WASHC2C: variants seen among roughly 807,000 people sequenced by gnomAD.
WASHC2C encodes WASH complex subunit 2C.
In WASHC2C, 73 loss-of-function variants were observed where a neutral mutation model predicts 142.2. The observed-to-expected ratio is 0.51, with a 90% CI of 0.43 to 0.62. WASHC2C has a LOEUF of 0.62. WASHC2C is among the 20% of genes least tolerant of loss of function. WASHC2C has a pLI of 0.00. For missense variants in WASHC2C, 969 were observed against 1,531.7 expected (o/e 0.63, Z 6.13); for synonymous variants, 337 against 565.5 (o/e 0.60, Z 5.73).
chr10:45,785,225 G>A (rs1554889553), intron 25 of WASHC2C, among the ~76,000 whole-genome samples: 11 of 152,170 alleles, frequency 7.2e-5, no homozygotes. Flanking sequence ...TGCCTTTCAG[G>A]TGCAAAGCTT....
At chr10:45,753,815 A>C (rs868988563) in intron 13 of WASHC2C, among the ~76,000 whole-genome samples, 1 of 150,676 alleles carries the variant, frequency 6.6e-6, no homozygotes, top group South Asian at 2.1e-4. Flanking sequence ...AAAAACACAA[A>C]TATAAATATG....
intron 3 of WASHC2C, among the ~76,000 whole-genome samples, chr10:45,729,584 G>A (rs1373165257): frequency 2.0e-5 from 3 of 151,920 alleles, no homozygotes; most frequent in Middle Eastern, 6.8e-3. Context: ...GAATACATAG[G>A]TAAATTAGAT....
intron 3 of WASHC2C, among the ~76,000 whole-genome samples, chr10:45,731,149 A>G (rs1331942164): frequency 7.0e-6 from 1 of 142,252 alleles, no homozygotes; most frequent in Non-Finnish European, 1.5e-5. Context: ...TGTTTTGGTA[A>G]TTGTTCTTTA....
At position 45,777,510 on chromosome 10, in the gene WASHC2C, A is replaced by G. The variant is rs1353390477; in HGVS notation, c.2295+85A>G. 4 of 1,606,322 alleles carry G rather than the reference A, an allele frequency of 2.5e-6. No homozygotes were observed. In the African/African-American group the frequency reaches 4.1e-5, roughly 16 times the overall value. On this transcript the variant is annotated intron_variant, in intron 22 of 30. Transcript: ENST00000623400. ...ACCCAACCCCTTAAGTTTTTTGACC[A>G]CAGAAAATAAATGGCCCATTTGTAG...
intron 7 of WASHC2C, among the ~76,000 whole-genome samples, chr10:45,745,981 T>C (rs1215954775): frequency 2.6e-5 from 3 of 117,608 alleles, no homozygotes; most frequent in African/African-American, 9.9e-5. Context: ...CCATGTGATC[T>C]CATTGTTCAA....
rs148181084 is a variant in WASHC2C at position 45,785,756 on chromosome 10, A to C, written c.2811+125A>C. 4,847 of 1,574,538 alleles carry C rather than the reference A, an allele frequency of 3.1e-3. 103 individuals are homozygous for C. In the East Asian group the frequency reaches 0.042, roughly 14 times the overall value. On this transcript the variant is annotated intron_variant, in intron 26 of 30. Coordinates refer to ENST00000623400, the MANE Select transcript of WASHC2C (RefSeq NM_001330074.2). The stretch of plus-strand genomic sequence containing the variant: ...AGGAGGAAACAGCAACCAGGGCTAC[A>C]GCTTTGTCTTCACTGCACTTCCCCC...
rs535791373 is a variant in WASHC2C at position 45,786,577 on chromosome 10, C to G, written c.2812-35C>G. 6 of 1,610,580 alleles carry G rather than the reference C, an allele frequency of 3.7e-6. No homozygotes were observed. In the African/African-American group the frequency reaches 8.0e-5, roughly 22 times the overall value. On this transcript the variant is annotated intron_variant, in intron 26 of 30. Coordinates refer to ENST00000623400, the MANE Select transcript of WASHC2C (RefSeq NM_001330074.2). ...AAGAAACACTTGTCTTTCTGTTTCC[C>G]AAATGGATTTTTAACTGGATGTAAT... is the stretch of plus-strand genomic sequence containing the variant.
chr10:45,735,282 T>A (rs1172529684), intron 3 of WASHC2C, among the ~76,000 whole-genome samples: 1 of 150,954 alleles, frequency 6.6e-6, no homozygotes, highest in Non-Finnish European at 1.5e-5. Flanking sequence ...CAGACTGGAG[T>A]GCAATTGTGC....
intron 2 of WASHC2C, among the ~76,000 whole-genome samples, chr10:45,728,210 G>A (rs2050122744): frequency 6.6e-6 from 1 of 152,082 alleles, no homozygotes. Context: ...TTTAATTTTA[G>A]TAGAGATGGG....
chr10:45,771,329 C>T (rs571739570), intron 20 of WASHC2C, among the ~76,000 whole-genome samples: 24 of 144,092 alleles, frequency 1.7e-4, no homozygotes, highest in African/African-American at 5.2e-4. Flanking sequence ...CTCACCACTG[C>T]ACTCCAGCCT....
At chr10:45,783,255 A>G (rs2057660953) in intron 23 of WASHC2C, among the ~76,000 whole-genome samples, 1 of 151,830 alleles carries the variant, frequency 6.6e-6, no homozygotes, top group Non-Finnish European at 1.5e-5. Context: ...TATAAATGAG[A>G]GCTGCACACA....
intron 4 of WASHC2C, among the ~76,000 whole-genome samples, chr10:45,739,238 A>C (rs1381227943): frequency 1.3e-5 from 2 of 151,580 alleles, no homozygotes; most frequent in African/African-American, 4.9e-5. Flanking sequence ...AAAAAAGTTC[A>C]GTTAGAAAGA....
rs540653573 is a variant in WASHC2C, at chr10:45,749,888, A to T, written c.733-208A>T. Among the ~76,000 whole-genome samples, 43 of 140,016 alleles carry T rather than the reference A, an allele frequency of 3.1e-4. 1 individual carries two copies. Among genetic ancestry groups the T allele is most frequent in the Admixed American group, 7.9e-4 (11 of 13,860 alleles). The allele number at this position is 140,016 out of a possible 152,430, so 91.9% of individuals were successfully genotyped here. On this transcript the variant is annotated intron_variant, in intron 8 of 30. Coordinates refer to ENST00000623400, the MANE Select transcript of WASHC2C (RefSeq NM_001330074.2). ...ATATATATATTTATATTTTATATAT[A>T]TTTTTATATATTTTTTTTCTTAGAT...
intron 11 of WASHC2C, 80 bp downstream of exon 11, chr10:45,751,633 CT>C: frequency 1.4e-6 from 1 of 710,222 alleles, no homozygotes. Context: ...TGAAGTACTG[CT>C]TTACATGCTG....
chr10:45,763,903 T>C (rs1330067422), intron 18 of WASHC2C, among the ~76,000 whole-genome samples: 1 of 152,164 alleles, frequency 6.6e-6, no homozygotes, highest in Non-Finnish European at 1.5e-5. Flanking sequence ...GGTTTCACCA[T>C]GTTGGCCAGG....
intron 17 of WASHC2C, 129 bp downstream of exon 17, chr10:45,759,530 T>C: frequency 2.7e-6 from 4 of 1,468,492 alleles, no homozygotes; most frequent in Non-Finnish European, 2.8e-6. Context: ...TTAAAAATTA[T>C]CTCTAGAGGC....
chr10:45,758,166 A>G (rs1554878276), intron 16 of WASHC2C, among the ~76,000 whole-genome samples: 2 of 152,132 alleles, frequency 1.3e-5, no homozygotes, highest in Admixed American at 1.3e-4. Context: ...AAGTTTTGGC[A>G]AGAATACAAG....
At chr10:45,761,088 C>T (rs1474291570) in intron 17 of WASHC2C, among the ~76,000 whole-genome samples, 1 of 151,890 alleles carries the variant, frequency 6.6e-6, no homozygotes, top group Admixed American at 6.6e-5. Context: ...TCTCACAGTT[C>T]GAGAGGTTGA....
intron 23 of WASHC2C, among the ~76,000 whole-genome samples, chr10:45,779,774 C>T (rs1413717069): frequency 3.3e-5 from 5 of 152,160 alleles, no homozygotes; most frequent in African/African-American, 1.2e-4. Context: ...ATCACAAGGT[C>T]AAGAGATCGA....
Sources: allele counts gnomAD v4.1 joint callset (sites outside exome capture counted in the v4.1 genomes callset), GRCh38; gene constraint gnomAD v4.1.1; transcripts MANE v1.5; gene names NCBI Gene and HGNC (gene_info 2026-07-23, HGNC 2026-07-21).